Variants in ADAM12 observed in about 807,000 individuals in gnomAD.
ADAM12 encodes ADAM metallopeptidase domain 12, also known as disintegrin and metalloproteinase domain-containing protein 12.
ADAM12 carries 70 observed loss-of-function variants against 106.4 expected under a neutral mutation model. The observed-to-expected ratio is 0.66, with a 90% CI of 0.54 to 0.80. The LOEUF is 0.80. ADAM12 is among the 30% of genes least tolerant of loss of function. ADAM12 has a pLI of 0.00. For missense variants in ADAM12, 1,010 were observed against 1,171.9 expected, an observed-to-expected ratio of 0.86 and a Z score of 2.02; for synonymous variants, 420 against 433.5, an observed-to-expected ratio of 0.97 and a Z score of 0.39.
At position 126,099,382 on chromosome 10, in the gene ADAM12, C is replaced by G. The variant is rs1015237960; in HGVS notation, c.912-882G>C. Among the ~76,000 whole-genome samples the G allele has an allele frequency of 2.0e-5, 3 of 151,492 alleles. No homozygotes were observed. The East Asian group carries it at 5.8e-4, about 29-fold the overall frequency. On this transcript the variant is annotated intron_variant, in intron 9 of 22. Transcript: ENST00000448723. ...CCTCCTTCCCTCCCTCCCTCTCTCCCTCCCTCTCTCCCTCCCTCCCTCTCT... is the reference window on the plus strand; with the variant it reads ...CCTCCTTCCCTCCCTCCCTCTCTCCGTCCCTCTCTCCCTCCCTCCCTCTCT...
At position 126,064,756 on chromosome 10, in the gene ADAM12, C is replaced by T. The variant is rs766201523; in HGVS notation, c.1609+50G>A. Reference sequence around the variant, plus strand: ...GAGCACATGCCCCCAGTCCCACAGCCCAGGTCTGCCAGTGCCTCTCCTGAT... The same window carrying T: ...GAGCACATGCCCCCAGTCCCACAGCTCAGGTCTGCCAGTGCCTCTCCTGAT... On this transcript the variant is annotated intron_variant, in intron 14 of 22. Coordinates refer to ENST00000448723, the MANE Select transcript of ADAM12 (RefSeq NM_001288973.2). This position sits in a 1 kb window ranked among gnomAD's most constrained non-coding sequence, Gnocchi z 4.4. 2.0e-6 allele frequency: 3 copies of T among 1,535,706 alleles called. No homozygotes were observed. Among genetic ancestry groups the T allele is most frequent in the Non-Finnish European group, 2.6e-6 (3 of 1,140,386 alleles).
In ADAM12 at chr10:126,043,969, GCCAGCAGCCC is replaced by G. The variant is rs1954247142; in HGVS notation, c.1996-831_1996-822del. ...ATAGACCAGAGCATTCCATGCAGGG[GCCAGCAGCCC>G]CTGCCCACCTGGTTACCAAGGGCTA... On this transcript the variant is annotated intron_variant, in intron 17 of 22. Transcript: ENST00000448723. This position sits in a 1 kb window ranked among gnomAD's most constrained non-coding sequence, Gnocchi z 4.1. Among the ~76,000 whole-genome samples, 2 of 152,164 alleles carry G rather than the reference GCCAGCAGCCC, an allele frequency of 1.3e-5. No individual in the cohort carries two copies. The highest frequency in any genetic ancestry group is 2.9e-5 in the Non-Finnish European group (2 of 68,034).
chr10:126,313,471 T>C (rs1961206484), intron 2 of ADAM12, among the ~76,000 whole-genome samples: 1 of 151,992 alleles, frequency 6.6e-6, no homozygotes, highest in South Asian at 2.1e-4. Flanking sequence ...GGGGTCAAAG[T>C]CTCCCACCTG....
chr10:126,378,516 T>C (rs185363342), intron 1 of ADAM12, among the ~76,000 whole-genome samples: 19 of 152,316 alleles, frequency 1.2e-4, no homozygotes, highest in African/African-American at 3.6e-4. Context: ...TATAGTAGGG[T>C]ACCATTTACT....
Position 126,277,923 on chromosome 10 carries a change from G to T in ADAM12, c.260+992C>A, listed in dbSNP as rs1193098931. Among the ~76,000 whole-genome samples, 5 of 152,150 alleles carry T rather than the reference G, an allele frequency of 3.3e-5. No homozygotes were observed. In the East Asian group the frequency reaches 7.7e-4, roughly 23 times the overall value. ...TGATTGACTGTCTTTCGTCTGTCTT[G>T]CTTAAAATGCTCAAATCAAAGCACC... is the stretch of plus-strand genomic sequence containing the variant. On this transcript the variant is annotated intron_variant, in intron 3 of 22. Transcript: ENST00000448723.
intron 18 of ADAM12, 118 bp downstream of exon 18, chr10:126,042,922 T>A: frequency 1.1e-6 from 1 of 941,684 alleles, no homozygotes; most frequent in Non-Finnish European, 1.6e-6. Flanking sequence ...TGTAGACCCA[T>A]GTGGGGTCCC....
intron 5 of ADAM12, among the ~76,000 whole-genome samples, chr10:126,121,658 C>G (rs1317500001): frequency 6.6e-6 from 1 of 151,242 alleles, no homozygotes; most frequent in Non-Finnish European, 1.5e-5. Context: ...CATCAGTTTT[C>G]CTCAATCTAA....
intron 3 of ADAM12, among the ~76,000 whole-genome samples, chr10:126,266,866 TA>T (rs1035270399): frequency 6.6e-6 from 1 of 152,040 alleles, no homozygotes; most frequent in Non-Finnish European, 1.5e-5. Context: ...AGAACAGCAC[TA>T]GGGGGATGCC....
intron 8 of ADAM12, among the ~76,000 whole-genome samples, chr10:126,104,052 C>T (rs993251480): frequency 6.6e-6 from 1 of 152,158 alleles, no homozygotes; most frequent in African/African-American, 2.4e-5. Context: ...AACAGTGAGG[C>T]GGAATCCCCT....
In ADAM12 at chr10:126,173,162, G is replaced by C. The variant is rs143301164; in HGVS notation, c.261-17857C>G. Among the ~76,000 whole-genome samples, 689 of 152,278 alleles carry C rather than the reference G, an allele frequency of 4.5e-3. 3 individuals are homozygous for C. The highest frequency in any genetic ancestry group is 0.013 in the African/African-American group (559 of 41,540). On this transcript the variant is annotated intron_variant, in intron 3 of 22. Coordinates refer to ENST00000448723, the MANE Select transcript of ADAM12 (RefSeq NM_001288973.2). ...AGGATAAATACCTAATGTAGATGAT[G>C]AGTTGATGGGTGCAGCAAACCACCA...
intron 2 of ADAM12, among the ~76,000 whole-genome samples, chr10:126,325,368 T>G (rs1215795014): frequency 6.6e-6 from 1 of 152,192 alleles, no homozygotes; most frequent in African/African-American, 2.4e-5. Context: ...AGCCAGTGAA[T>G]GCGGATCACC....
At chr10:126,196,056 T>G (rs1957592476) in intron 3 of ADAM12, among the ~76,000 whole-genome samples, 1 of 152,162 alleles carries the variant, frequency 6.6e-6, no homozygotes, top group South Asian at 2.1e-4. Flanking sequence ...GCAGCTTTTG[T>G]GTTGTGGCAA....
chr10:126,325,528 T>C (rs1476725932), intron 2 of ADAM12, among the ~76,000 whole-genome samples: 2 of 152,226 alleles, frequency 1.3e-5, no homozygotes, highest in Admixed American at 6.5e-5. Context: ...TATTTGATAT[T>C]TGAGACCTGC....
chr10:126,125,249 CTTT>C (rs35917087), intron 5 of ADAM12, among the ~76,000 whole-genome samples: 1 of 134,240 alleles, frequency 7.4e-6, no homozygotes, highest in Non-Finnish European at 1.6e-5. Context: ...CTTTTCTTTT[CTTT>C]TTTTTTTTTT....
At chr10:126,353,752 A>G (rs1855444846) in intron 1 of ADAM12, among the ~76,000 whole-genome samples, 1 of 152,216 alleles carries the variant, frequency 6.6e-6, no homozygotes, top group South Asian at 2.1e-4. Flanking sequence ...TATCTTTCAA[A>G]AGATTTCATA....
chr10:126,070,790 C>T (rs1220111093), intron 12 of ADAM12, among the ~76,000 whole-genome samples: 1 of 152,170 alleles, frequency 6.6e-6, no homozygotes, highest in Non-Finnish European at 1.5e-5. Flanking sequence ...ACTAGGAGGT[C>T]TCATGCTGTC....
chr10:126,365,803 C>G (rs564847459), intron 1 of ADAM12, among the ~76,000 whole-genome samples: 3 of 152,316 alleles, frequency 2.0e-5, no homozygotes, highest in Non-Finnish European at 4.4e-5. Context: ...GGTGGGGACA[C>G]AGCCAAACCA....
rs111757685 is a variant in ADAM12 at position 126,247,396 on chromosome 10, C to A, written c.260+31519G>T. On this transcript the variant is annotated intron_variant, in intron 3 of 22. Coordinates refer to ENST00000448723, the MANE Select transcript of ADAM12 (RefSeq NM_001288973.2). ...AATGTCAACAAAACCAGCAACGAGGCAAACTTCCCAGCAACAGAGCCACTA... is the reference window on the plus strand; with the variant it reads ...AATGTCAACAAAACCAGCAACGAGGAAAACTTCCCAGCAACAGAGCCACTA... Among the ~76,000 whole-genome samples the A allele has an allele frequency of 1.6e-3, 245 of 152,322 alleles. 2 individuals carry two copies. Among genetic ancestry groups the A allele is most frequent in the African/African-American group, 4.8e-3 (199 of 41,572 alleles).
intron 17 of ADAM12, 57 bp downstream of exon 17, chr10:126,045,998 G>T: frequency 6.9e-7 from 1 of 1,454,480 alleles, no homozygotes; most frequent in East Asian, 2.3e-5. Context: ...ACAAATGAAT[G>T]TATTATTACT....
Sources: gnomAD v4.1 joint callset for allele counts (sites outside exome capture counted in the v4.1 genomes callset) on GRCh38, gnomAD v4.1.1 for gene constraint, Gnocchi (gnomAD v3.1) non-coding constraint, MANE v1.5 for transcripts, NCBI Gene and HGNC (gene_info 2026-07-23, HGNC 2026-07-21) for gene names.